Variants in PEAK1 observed in about 807,000 individuals in gnomAD.
PEAK1 encodes pseudopodium enriched atypical kinase 1.
A neutral mutation model predicts 124.7 loss-of-function variants in PEAK1; 54 were observed. The observed-to-expected ratio is 0.43, with a 90% confidence interval of 0.35 to 0.54. PEAK1 has a LOEUF of 0.54. Ranked by LOEUF, PEAK1 falls within the 20% of genes least tolerant of loss-of-function variation. PEAK1 has a pLI of 0.01. For synonymous variants in PEAK1, 719 were observed against 760.0 expected, an observed-to-expected ratio of 0.95 and a Z score of 0.89; for missense variants, 2,046 against 2,134.5, an observed-to-expected ratio of 0.96 and a Z score of 0.82.
rs867026359 is a variant in PEAK1, at chr15:77,165,005, G to C, written c.3138-6309C>G. On this transcript the variant is annotated intron_variant, in intron 7 of 9. Coordinates refer to ENST00000682557, the MANE Select transcript of PEAK1 (RefSeq NM_001385026.1). The stretch of plus-strand genomic sequence containing the variant: ...TGCAACCTCTGCTTCCCAGGTTCAA[G>C]AGATTTTCCTACCTCAGTCTCCCGA... 2.0e-5 allele frequency among the ~76,000 whole-genome samples: 3 copies of C among 151,844 alleles called. No individual in the cohort carries two copies. The South Asian group carries it at 6.2e-4, about 31-fold the overall frequency.
chr15:77,277,188 C>T (rs1194684286), intron 5 of PEAK1, among the ~76,000 whole-genome samples: 2 of 152,130 alleles, frequency 1.3e-5, no homozygotes, highest in Non-Finnish European at 2.9e-5. Context: ...AGATGGATCT[C>T]AAGGGCATTA....
chr15:77,238,771 CT>C (rs1163564038), intron 6 of PEAK1, among the ~76,000 whole-genome samples: 1 of 152,094 alleles, frequency 6.6e-6, no homozygotes, highest in African/African-American at 2.4e-5. Context: ...ACTCCCTTGG[CT>C]TTTAAATCAC....
At position 77,114,256 on chromosome 15, in the gene PEAK1, T is replaced by C; in HGVS notation, c.5141A>G (p.Glu1714Gly). 6.2e-7 allele frequency: 1 copy of C among 1,614,228 alleles called. No individual in the cohort carries two copies. Among genetic ancestry groups the C allele is most frequent in the Non-Finnish European group, 8.5e-7 (1 of 1,180,036 alleles). Residue 1714 changes from glutamate to glycine, a missense_variant, in exon 10 of 10, where the codon GAA (glutamate) becomes GGA (glycine). By Grantham distance (98) the Glu-to-Gly change is moderately conservative (BLOSUM62 -2). Transcript: ENST00000682557. ...IKFAEKSLDR[E>G]GGISLEDWLC... ...CCAGTCCTCAAGGCTGATTCCACCTTCCCTGTCCAGGGACTTCTCAGCAAA... is the reference window on the plus strand; with the variant it reads ...CCAGTCCTCAAGGCTGATTCCACCTCCCCTGTCCAGGGACTTCTCAGCAAA...
intron 6 of PEAK1, among the ~76,000 whole-genome samples, chr15:77,220,850 AGAT>A (rs1486025089): frequency 2.3e-4 from 35 of 152,094 alleles, no homozygotes; most frequent in Non-Finnish European, 2.4e-4. Flanking sequence ...ATTGAAATGG[AGAT>A]GATTACTTAG....
intron 5 of PEAK1, among the ~76,000 whole-genome samples, chr15:77,262,291 T>C (rs1325289477): frequency 6.6e-6 from 1 of 151,996 alleles, no homozygotes; most frequent in African/African-American, 2.4e-5. Flanking sequence ...GGCTAAATGC[T>C]CCAATTAGAA....
At chr15:77,388,052 G>A (rs1316543469) in intron 1 of PEAK1, among the ~76,000 whole-genome samples, 1 of 152,102 alleles carries the variant, frequency 6.6e-6, no homozygotes, top group Non-Finnish European at 1.5e-5. Flanking sequence ...AATTAGCTGG[G>A]CGTGGTGGTG....
chr15:77,250,183 ATATATATACATATATATACATATATATG>A, intron 6 of PEAK1, among the ~76,000 whole-genome samples: 1 of 112,338 alleles, frequency 8.9e-6, no homozygotes, highest in Non-Finnish European at 2.1e-5. Context: ...ATGTATATGT[ATATATATACATATATATACATATATATG>A]TATATATATA....
chr15:77,340,123 C>G (rs2066438025), intron 2 of PEAK1, among the ~76,000 whole-genome samples: 1 of 152,168 alleles, frequency 6.6e-6, no homozygotes, highest in African/African-American at 2.4e-5. Context: ...TATGATCCAG[C>G]AATTGCATTC....
chr15:77,193,818 AAACTAAACT>A (rs930110437), intron 6 of PEAK1, among the ~76,000 whole-genome samples: 1 of 93,260 alleles, frequency 1.1e-5, no homozygotes, highest in African/African-American at 3.3e-5. Context: ...AAACTAAACT[AAACTAAACT>A]AAACTAAACT....
intron 2 of PEAK1, among the ~76,000 whole-genome samples, chr15:77,331,838 G>C (rs2065907493): frequency 6.6e-6 from 1 of 151,566 alleles, no homozygotes. Flanking sequence ...GGCTGGTCTT[G>C]AACTCCTGAC....
intron 1 of PEAK1, among the ~76,000 whole-genome samples, chr15:77,384,810 T>G (rs1266660791): frequency 6.6e-6 from 1 of 152,204 alleles, no homozygotes; most frequent in Non-Finnish European, 1.5e-5. Flanking sequence ...ATTTTAATAG[T>G]CACACCCATT....
rs528850160 is a variant in PEAK1 at position 77,230,965 on chromosome 15, A to G, written c.-115+21402T>C. Among the ~76,000 whole-genome samples the G allele has an allele frequency of 5.3e-5, 8 of 152,284 alleles. 1 individual carries two copies. The highest frequency in any genetic ancestry group is 5.2e-4 in the Admixed American group (8 of 15,292). ...ATTAGGGGATAATATACACATCTAAAAGGAAAAAAAAAGATCTGAGACTTT... is the reference window on the plus strand; with the variant it reads ...ATTAGGGGATAATATACACATCTAAGAGGAAAAAAAAAGATCTGAGACTTT... On this transcript the variant is annotated intron_variant, in intron 6 of 9. Coordinates refer to ENST00000682557, the MANE Select transcript of PEAK1 (RefSeq NM_001385026.1).
chr15:77,211,788 C>A lies in PEAK1; in HGVS notation c.-114-29748G>T, dbSNP rs1471039410. Among the ~76,000 whole-genome samples, 4 of 135,366 alleles carry A rather than the reference C, an allele frequency of 3.0e-5. No homozygotes were observed. The East Asian group carries it at 8.6e-4, about 29-fold the overall frequency. 88.8% of individuals were successfully genotyped at this position (135,366 alleles called of 152,430 possible). ...ATTTGAACCCGGGAGGCACAGGTTG[C>A]AGTGAGCCGAGATCACGCCACTGCA... On this transcript the variant is annotated intron_variant, in intron 6 of 9. Coordinates refer to ENST00000682557, the MANE Select transcript of PEAK1 (RefSeq NM_001385026.1).
intron 6 of PEAK1, among the ~76,000 whole-genome samples, chr15:77,211,059 C>G (rs1202980548): frequency 6.6e-6 from 1 of 152,124 alleles, no homozygotes; most frequent in Non-Finnish European, 1.5e-5. Flanking sequence ...ATCTGGTCTG[C>G]CATCTCTTTT....
chr15:77,312,146 T>C (rs1007270247), intron 2 of PEAK1, among the ~76,000 whole-genome samples: 4 of 152,202 alleles, frequency 2.6e-5, no homozygotes, highest in Admixed American at 6.5e-5. Context: ...AAGGGACTAG[T>C]ACTACTCCTG....
intron 9 of PEAK1, among the ~76,000 whole-genome samples, chr15:77,129,123 C>T (rs2152734286): frequency 6.6e-6 from 1 of 152,330 alleles, no homozygotes; most frequent in Non-Finnish European, 1.5e-5. Flanking sequence ...TGCATAGCCT[C>T]TCCCTTGCAC....
At chr15:77,242,658 T>C (rs1260720386) in intron 6 of PEAK1, among the ~76,000 whole-genome samples, 1 of 152,198 alleles carries the variant, frequency 6.6e-6, no homozygotes, top group Admixed American at 6.5e-5. Flanking sequence ...TTCCTATTTT[T>C]AGTTTGTGTG....
intron 5 of PEAK1, among the ~76,000 whole-genome samples, chr15:77,259,228 A>C (rs1486067009): frequency 6.6e-6 from 1 of 152,204 alleles, no homozygotes; most frequent in African/African-American, 2.4e-5. Context: ...TCATATTTTA[A>C]ATGACTAGAT....
chr15:77,343,813 C>G (rs1172882300), intron 2 of PEAK1, among the ~76,000 whole-genome samples: 1 of 151,938 alleles, frequency 6.6e-6, no homozygotes, highest in African/African-American at 2.4e-5. Context: ...GTTACCTGTG[C>G]ATTTGGTGTT....
Sources: gnomAD v4.1 joint callset for allele counts (sites outside exome capture counted in the v4.1 genomes callset) on GRCh38, gnomAD v4.1.1 for gene constraint, MANE v1.5 for transcripts, NCBI Gene and HGNC (gene_info 2026-07-23, HGNC 2026-07-21) for gene names.